The following NTRK1 variants were observed in gnomAD, a reference collection of about 807,000 sequenced individuals.
NTRK1 encodes high affinity nerve growth factor receptor.
In NTRK1, 62 loss-of-function variants were observed where a neutral mutation model predicts 86.8. That is an observed-to-expected ratio of 0.71 (90% CI 0.58 to 0.88). NTRK1 has a LOEUF of 0.88. Among genes scored for constraint, NTRK1 ranks in the 40% least tolerant of loss-of-function variants. The probability of loss-of-function intolerance (pLI) is 0.00; values close to 1 mark genes in which losing one functional copy is unlikely to be tolerated. For missense variants in NTRK1, 967 were observed against 1,078.4 expected, an observed-to-expected ratio of 0.90 and a Z score of 1.45; for synonymous variants, 469 against 456.6, an observed-to-expected ratio of 1.03 and a Z score of -0.35.
chr1:156,835,716 G>A (rs528780812), intron 1 of NTRK1, among the ~76,000 whole-genome samples: 2 of 152,302 alleles, frequency 1.3e-5, no homozygotes, highest in African/African-American at 4.8e-5. Context: ...CTTTGTAAAT[G>A]ATATCACAAC....
chr1:156,869,818 C>T (rs568628554), intron 6 of NTRK1, among the ~76,000 whole-genome samples: 4 of 152,332 alleles, frequency 2.6e-5, no homozygotes, highest in African/African-American at 9.6e-5. Context: ...ACGAGGTCAA[C>T]GGCAGCTGAC....
chr1:156,875,185 G>A (rs1404695146), intron 11 of NTRK1, among the ~76,000 whole-genome samples, 177 bp downstream of exon 11: 1 of 151,536 alleles, frequency 6.6e-6, no homozygotes, highest in Admixed American at 6.6e-5. Context: ...AGTGTGTGTG[G>A]GAGCGTGTGT....
At chr1:156,837,501 G>C (rs1007935945) in intron 1 of NTRK1, among the ~76,000 whole-genome samples, 3 of 152,342 alleles carry the variant, frequency 2.0e-5, no homozygotes, top group East Asian at 3.9e-4. Flanking sequence ...GATGAGCCAG[G>C]TGGTTCAAGC....
chr1:156,879,441 G>C (rs1022689605), intron 15 of NTRK1, 79 bp downstream of exon 15: 6 of 1,517,476 alleles, frequency 4.0e-6, no homozygotes, highest in Non-Finnish European at 5.3e-6. Flanking sequence ...CTGAGAGCCT[G>C]CCCTTGCTAG....
chr1:156,870,041 G>T (rs1193248735), intron 6 of NTRK1, among the ~76,000 whole-genome samples: 2 of 152,236 alleles, frequency 1.3e-5, no homozygotes, highest in Admixed American at 1.3e-4. Context: ...CTTCAGACAT[G>T]GTGGAGGGAC....
At chr1:156,853,660 A>G in intron 2 of NTRK1, 1 of 1,250,962 alleles carries the variant, frequency 8.0e-7, no homozygotes, top group Non-Finnish European at 1.1e-6. Context: ...GTGGCAGCTG[A>G]AAGTACTGAC....
chr1:156,877,374 A>G (rs1243787686), intron 14 of NTRK1, among the ~76,000 whole-genome samples: 1 of 152,246 alleles, frequency 6.6e-6, no homozygotes, highest in East Asian at 1.9e-4. Flanking sequence ...TTGTGCTGAT[A>G]ATTTTAATAA....
upstream of NTRK1, among the ~76,000 whole-genome samples, chr1:156,856,352 G>T (rs569656078): frequency 1.8e-4 from 27 of 152,282 alleles, no homozygotes; most frequent in Admixed American, 3.3e-4. Context: ...AGCTTTGCAG[G>T]TCCCATGTCT....
At chr1:156,840,891 A>C (rs768088608) in intron 1 of NTRK1, 9 of 1,613,446 alleles carry the variant, frequency 5.6e-6, no homozygotes, top group Non-Finnish European at 7.6e-6. Flanking sequence ...CTGGACCCCC[A>C]TTTTGAGGGC....
chr1:156,847,208 C>G (rs1177977489), intron 2 of NTRK1, among the ~76,000 whole-genome samples: 1 of 152,180 alleles, frequency 6.6e-6, no homozygotes, highest in Non-Finnish European at 1.5e-5. Context: ...ATGAGCCTCC[C>G]AAACTATAGC....
intron 1 of NTRK1, among the ~76,000 whole-genome samples, chr1:156,862,634 G>A (rs967098203): frequency 6.6e-6 from 1 of 151,622 alleles, no homozygotes; most frequent in Non-Finnish European, 1.5e-5. Context: ...TCACTCACCC[G>A]CAGAGCTAAC....
chr1:156,823,437 G>A (rs894028015), intron 1 of NTRK1, among the ~76,000 whole-genome samples: 4 of 152,142 alleles, frequency 2.6e-5, no homozygotes, highest in Admixed American at 1.3e-4. Context: ...CTGTGATCGC[G>A]AGCCTGTTGT....
At chr1:156,852,026 TGGTAGGTGCCTGGCGGGCAG>T (rs1655233038) in intron 2 of NTRK1, 3 of 1,613,504 alleles carry the variant, frequency 1.9e-6, no homozygotes, top group Non-Finnish European at 2.5e-6. Context: ...GGACTCATAC[TGGTAGGTGCCTGGCGGGCAG>T]GCCCACAGGC....
intron 1 of NTRK1, chr1:156,841,839 C>G: frequency 6.2e-7 from 1 of 1,613,998 alleles, no homozygotes; most frequent in Non-Finnish European, 8.5e-7. Context: ...GGCATAAGAG[C>G]CACGCACTAG....
At chr1:156,844,119 T>C in intron 2 of NTRK1, 1 of 1,316,596 alleles carries the variant, frequency 7.6e-7, no homozygotes, top group Non-Finnish European at 1.1e-6. Flanking sequence ...TTGACAGACT[T>C]TATGATGAGG....
At position 156,873,672 on chromosome 1, in the gene NTRK1, ACCACTGGTGCAT is replaced by A. The variant is rs1463003511; in HGVS notation, c.893_904del (p.His298_Ile301del). The A allele has an allele frequency of 1.9e-6, 3 of 1,610,008 alleles. No homozygotes were observed. The highest frequency in any genetic ancestry group is 2.5e-6 in the Non-Finnish European group (3 of 1,179,308). ...CAGCTGCACACGGCGGTGGAGATGC[ACCACTGGTGCAT>A]CCCCTTCTCTGTGGATGGGCAGCCG... On this transcript the variant is annotated inframe_deletion, in exon 8 of 17. Coordinates refer to ENST00000524377, the MANE Select transcript of NTRK1 (RefSeq NM_002529.4).
chr1:156,823,622 C>A (rs1316407087), intron 1 of NTRK1, among the ~76,000 whole-genome samples: 2 of 152,190 alleles, frequency 1.3e-5, no homozygotes, highest in Non-Finnish European at 2.9e-5. Flanking sequence ...ATGTCATCAA[C>A]CTGTTACCAT....
upstream of NTRK1, among the ~76,000 whole-genome samples, chr1:156,859,325 C>T (rs181730985): frequency 1.3e-4 from 20 of 152,228 alleles, no homozygotes; most frequent in African/African-American, 4.6e-4. The surrounding 1 kb of genome is among the most constrained non-coding windows in gnomAD (Gnocchi z 6.2). Flanking sequence ...TCCTCAAATC[C>T]CGCTGCGGCT....
At chr1:156,820,413 A>G (rs2102832354) in intron 1 of NTRK1, among the ~76,000 whole-genome samples, 1 of 152,216 alleles carries the variant, frequency 6.6e-6, no homozygotes, top group Non-Finnish European at 1.5e-5. Context: ...CACATGGCTA[A>G]TTTTTGTACT....
Sources: gnomAD v4.1 joint callset for allele counts (sites outside exome capture counted in the v4.1 genomes callset) on GRCh38, gnomAD v4.1.1 for gene constraint, Gnocchi (gnomAD v3.1) non-coding constraint, MANE v1.5 for transcripts, NCBI Gene and HGNC (gene_info 2026-07-23, HGNC 2026-07-21) for gene names.